Variants in ARID1B observed in about 807,000 individuals in gnomAD.
ARID1B encodes the protein AT-rich interactive domain-containing protein 1B.
Under a neutral mutation model 212.3 loss-of-function variants are expected in ARID1B, and 30 were observed. That is an observed-to-expected ratio of 0.14 (90% CI 0.11 to 0.19). The LOEUF is 0.19. Among genes scored for constraint, ARID1B ranks in the 10% least tolerant of loss-of-function variants. The pLI is 1.00. For missense variants in ARID1B, 2,891 were observed against 3,204.0 expected, an observed-to-expected ratio of 0.90 and a Z score of 2.36; for synonymous variants, 1,402 against 1,301.7, an observed-to-expected ratio of 1.08 and a Z score of -1.66.
chr6:156,829,183 A>G (rs2128045387), intron 1 of ARID1B, 44 bp from the exon 2 acceptor site: 2 of 1,523,736 alleles, frequency 1.3e-6, no homozygotes, highest in Non-Finnish European at 1.8e-6. Flanking sequence ...TGCCTTTGTA[A>G]TAAAGAATGA....
At chr6:157,179,469 C>CAT (rs1160953082) in intron 11 of ARID1B, among the ~76,000 whole-genome samples, 1 of 151,948 alleles carries the variant, frequency 6.6e-6, no homozygotes, top group Non-Finnish European at 1.5e-5. Context: ...GGTTTATAGA[C>CAT]ATATATATAT....
intron 4 of ARID1B, among the ~76,000 whole-genome samples, chr6:157,003,915 G>A (rs12664263): frequency 0.28 from 42,461 of 151,576 alleles, 6,236 homozygotes; most frequent in Non-Finnish European, 0.32. Flanking sequence ...CAAGAGGATC[G>A]CTTGAGCCCA....
At chr6:156,782,346 A>G (rs1779339760) in intron 1 of ARID1B, among the ~76,000 whole-genome samples, 1 of 152,024 alleles carries the variant, frequency 6.6e-6, no homozygotes, top group African/African-American at 2.4e-5. Context: ...CAAAACGTGT[A>G]TATATTATAG....
chr6:157,196,067 G>C lies in ARID1B; in HGVS notation c.4232-98G>C. 2.0e-6 allele frequency: 3 copies of C among 1,493,270 alleles called. No homozygotes were observed. The South Asian group carries it at 3.7e-5, about 19-fold the overall frequency. The allele number at this position is 1,493,270 out of a possible 1,614,324, so 92.5% of individuals were successfully genotyped here. ...GAGTGAGACTCCATCTCAAAAAAAA[G>C]AAAAAGTCCAAAGACAATAGAGATG... is the stretch of plus-strand genomic sequence containing the variant. On this transcript the variant is annotated intron_variant, in intron 15 of 19. Coordinates refer to ENST00000636930, the MANE Select transcript of ARID1B (RefSeq NM_001374828.1).
At chr6:157,137,208 T>G (rs762240289) in intron 7 of ARID1B, among the ~76,000 whole-genome samples, 1 of 152,070 alleles carries the variant, frequency 6.6e-6, no homozygotes, top group African/African-American at 2.4e-5. Flanking sequence ...AAAATTTCTA[T>G]GATGTGAAGA....
chr6:157,209,447 T>G lies in ARID1B; in HGVS notation c.*1556T>G, dbSNP rs1405503610. The stretch of plus-strand genomic sequence containing the variant: ...CAACAGTTTGATTTTCTCAAATTAC[T>G]TAGCTAATTAGTCTTTCTTTGAAGC... On this transcript the variant is annotated 3_prime_UTR_variant, in exon 20 of 20. Transcript: ENST00000636930. 1 of 232,598 alleles carries G rather than the reference T, an allele frequency of 4.3e-6. No individual in the cohort carries two copies. Among genetic ancestry groups the G allele is most frequent in the African/African-American group, 2.2e-5 (1 of 45,324 alleles). The allele number at this position is 232,598 out of a possible 1,614,324, so 14.4% of individuals were successfully genotyped here.
At chr6:156,831,102 A>G (rs1208097740) in intron 2 of ARID1B, among the ~76,000 whole-genome samples, 1 of 152,224 alleles carries the variant, frequency 6.6e-6, no homozygotes, top group East Asian at 1.9e-4. Flanking sequence ...TGTGAGAAGG[A>G]AATAATTTGT....
intron 3 of ARID1B, among the ~76,000 whole-genome samples, chr6:156,925,258 C>T (rs1301861413): frequency 6.6e-6 from 1 of 152,120 alleles, no homozygotes; most frequent in Admixed American, 6.5e-5. Flanking sequence ...GAATTGCAGG[C>T]GTTTTGCAGT....
intron 4 of ARID1B, among the ~76,000 whole-genome samples, chr6:156,995,358 C>G (rs922215334): frequency 6.6e-6 from 1 of 152,192 alleles, no homozygotes; most frequent in Non-Finnish European, 1.5e-5. Flanking sequence ...TACAAAGGAC[C>G]TGTACAGTGT....
At position 157,076,235 on chromosome 6, in the gene ARID1B, A is replaced by C. The variant is rs113790460; in HGVS notation, c.2248-8427A>C. ...AGTTTAGTAATGTTCTACAAGTAAA[A>C]CTTGCCTATTTTTCATAGTAGACTC... On this transcript the variant is annotated intron_variant, in intron 4 of 19. Coordinates refer to ENST00000636930, the MANE Select transcript of ARID1B (RefSeq NM_001374828.1). 2.7e-3 allele frequency among the ~76,000 whole-genome samples: 409 copies of C among 152,058 alleles called. 3 individuals are homozygous for C. The highest frequency in any genetic ancestry group is 3.9e-3 in the Non-Finnish European group (265 of 67,958).
intron 3 of ARID1B, among the ~76,000 whole-genome samples, chr6:156,910,561 C>G (rs1789791103): frequency 6.6e-6 from 1 of 152,192 alleles, no homozygotes. Flanking sequence ...CTTGGTTTCT[C>G]TGTTCTCGGT....
chr6:157,032,780 C>G (rs1781093102), intron 4 of ARID1B, among the ~76,000 whole-genome samples: 1 of 152,226 alleles, frequency 6.6e-6, no homozygotes, highest in Non-Finnish European at 1.5e-5. Context: ...TCTTCCATTT[C>G]TTTCCAAAAA....
At chr6:156,991,222 C>CT (rs1040682990) in intron 4 of ARID1B, among the ~76,000 whole-genome samples, 17 of 152,016 alleles carry the variant, frequency 1.1e-4, no homozygotes, top group African/African-American at 3.9e-4. Flanking sequence ...GCATTTCTTT[C>CT]TTTTTTTGTT....
chr6:156,986,440 C>A (rs1777921700), intron 4 of ARID1B, among the ~76,000 whole-genome samples: 2 of 152,176 alleles, frequency 1.3e-5, no homozygotes, highest in African/African-American at 2.4e-5. Flanking sequence ...GCCTGAACCC[C>A]CTGCACGGTA....
Position 157,123,187 on chromosome 6 carries a change from TCTCTG to T in ARID1B, c.2582-9840_2582-9836del, listed in dbSNP as rs1341956638. 7.8e-5 allele frequency among the ~76,000 whole-genome samples: 11 copies of T among 140,938 alleles called. No homozygotes were observed. In the South Asian group the frequency reaches 1.9e-3, roughly 24 times the overall value. 92.5% of individuals were successfully genotyped at this position (140,938 alleles called of 152,430 possible). A position where few individuals can be genotyped will look rare whatever the true frequency, so the allele number is the denominator to read the frequency against. The stretch of plus-strand genomic sequence containing the variant: ...ATGGGGATTTTGAGATCTTTCTCTG[TCTCTG>T]TCTCTGTCTCTCTCTCAATCTTTCT... On this transcript the variant is annotated intron_variant, in intron 6 of 19. Transcript: ENST00000636930.
intron 3 of ARID1B, among the ~76,000 whole-genome samples, chr6:156,931,493 G>C (rs1791711384): frequency 1.3e-5 from 2 of 152,010 alleles, no homozygotes; most frequent in African/African-American, 4.8e-5. Context: ...ACCTCGCAAA[G>C]GGAATAAGCC....
At chr6:157,083,456 A>C (rs1784761215) in intron 4 of ARID1B, among the ~76,000 whole-genome samples, 1 of 152,204 alleles carries the variant, frequency 6.6e-6, no homozygotes. Flanking sequence ...CATGGGGGGC[A>C]CACCAGTGAT....
At chr6:156,795,872 C>CT (rs1187751537) in intron 1 of ARID1B, among the ~76,000 whole-genome samples, 8 of 151,604 alleles carry the variant, frequency 5.3e-5, no homozygotes, top group South Asian at 4.2e-4. Flanking sequence ...CATCTCACAG[C>CT]TTTTTAAAAA....
At chr6:157,075,483 A>G (rs973643710) in intron 4 of ARID1B, among the ~76,000 whole-genome samples, 2 of 152,248 alleles carry the variant, frequency 1.3e-5, no homozygotes, top group Admixed American at 6.5e-5. Context: ...TGGTTTTTAC[A>G]TACATCCACA....
Sources: gnomAD v4.1 joint callset for allele counts (sites outside exome capture counted in the v4.1 genomes callset) on GRCh38, gnomAD v4.1.1 for gene constraint, MANE v1.5 for transcripts, NCBI Gene and HGNC (gene_info 2026-07-23, HGNC 2026-07-21) for gene names.